The following SNX31 variants were observed in gnomAD, a reference collection of about 807,000 sequenced individuals.
SNX31 encodes sorting nexin 31, also known as sorting nexin-31.
Under a neutral mutation model 65.4 loss-of-function variants are expected in SNX31, and 58 were observed. The ratio of observed to expected loss-of-function variants is 0.89; its 90% CI spans 0.72 to 1.10. The LOEUF is 1.10. SNX31 is among the 50% of genes least tolerant of loss of function. The pLI is 0.00. For missense variants in SNX31, 523 were observed against 529.7 expected (o/e 0.99, Z 0.12); for synonymous variants, 181 against 190.1 (o/e 0.95, Z 0.39).
At chr8:100,581,075 C>T (rs952765826) in intron 12 of SNX31, among the ~76,000 whole-genome samples, 5 of 147,886 alleles carry the variant, frequency 3.4e-5, no homozygotes, top group Admixed American at 6.8e-5. Flanking sequence ...GTGGGAGGAT[C>T]GCTTGAGTTC....
At chr8:100,598,047 C>T (rs1025979290) in intron 9 of SNX31, among the ~76,000 whole-genome samples, 3 of 152,214 alleles carry the variant, frequency 2.0e-5, no homozygotes, top group African/African-American at 7.2e-5. Context: ...AGCAAGGTAA[C>T]TCACACCTCC....
rs201142515 is a variant in SNX31 at position 100,635,965 on chromosome 8, T to A, written c.188A>T (p.Tyr63Phe). 9.4e-5 allele frequency: 152 copies of A among 1,614,072 alleles called. No individual in the cohort carries two copies. The highest frequency in any genetic ancestry group is 1.4e-5 in the Non-Finnish European group (16 of 1,180,038). ...CATAGCTGTGGTCATTGCCAGATAG[T>A]ACTTTGGTGGGAAGGGTGGCAGGCA... ...GNCLPPFPPKYYLAMTTAMAD... is the reference protein window; with the variant it reads ...GNCLPPFPPKFYLAMTTAMAD... Residue 63 changes from tyrosine (Y) to phenylalanine (F), a missense_variant, in exon 3 of 14, where the codon TAC (tyrosine) becomes TTC (phenylalanine). Tyr to Phe is a conservative substitution (Grantham distance 22, BLOSUM62 3). Transcript: ENST00000311812.
rs112122910 is a variant in SNX31, at chr8:100,601,768, C to T, written c.682-1327G>A. ...TAATCCACTGCAGGCTTCAGCAGAA[C>T]GACACTGGGCTCAAAGGCAGAAATC... On this transcript the variant is annotated intron_variant, in intron 8 of 13. Coordinates refer to ENST00000311812, the MANE Select transcript of SNX31 (RefSeq NM_152628.4). Among the ~76,000 whole-genome samples, 715 of 152,336 alleles carry T rather than the reference C, an allele frequency of 4.7e-3. 9 individuals carry two copies. Among genetic ancestry groups the T allele is most frequent in the East Asian group, 0.024 (123 of 5,188 alleles).
intron 2 of SNX31, among the ~76,000 whole-genome samples, chr8:100,639,687 T>C (rs2131241977): frequency 6.6e-6 from 1 of 152,328 alleles, no homozygotes; most frequent in East Asian, 1.9e-4. Flanking sequence ...TACACACATA[T>C]ATTTCCTTGC....
chr8:100,608,801 G>C (rs905882643), intron 7 of SNX31, among the ~76,000 whole-genome samples: 1 of 152,112 alleles, frequency 6.6e-6, no homozygotes, highest in Non-Finnish European at 1.5e-5. Context: ...CAAAAATAAA[G>C]CTTTAGGGGA....
intron 9 of SNX31, among the ~76,000 whole-genome samples, chr8:100,599,821 T>C (rs1345179875): frequency 6.6e-6 from 1 of 152,090 alleles, no homozygotes; most frequent in Non-Finnish European, 1.5e-5. Context: ...ACTTTAAAAA[T>C]GAATGTTTAG....
intron 9 of SNX31, among the ~76,000 whole-genome samples, chr8:100,598,386 A>T (rs986285662): frequency 3.3e-5 from 5 of 152,206 alleles, no homozygotes; most frequent in Non-Finnish European, 5.9e-5. Context: ...AACACTTTCT[A>T]AGTGATATGG....
At chr8:100,645,296 T>G (rs1819545781) in intron 2 of SNX31, among the ~76,000 whole-genome samples, 1 of 152,196 alleles carries the variant, frequency 6.6e-6, no homozygotes, top group African/African-American at 2.4e-5. Context: ...GATGGGACCT[T>G]TCTACTATTT....
chr8:100,590,316 G>C (rs536460605), intron 10 of SNX31, among the ~76,000 whole-genome samples: 1 of 152,216 alleles, frequency 6.6e-6, no homozygotes, highest in Non-Finnish European at 1.5e-5. Flanking sequence ...GTTTCAGCTA[G>C]GTGTGGTAGC....
upstream of SNX31, among the ~76,000 whole-genome samples, chr8:100,651,474 C>A (rs73276662): frequency 7.8e-3 from 1,191 of 152,320 alleles, 20 homozygotes; most frequent in African/African-American, 0.028. Flanking sequence ...CATGTCCAAA[C>A]AGGGCCATTT....
In SNX31 at chr8:100,575,267, C is replaced by A. The variant is rs1812954491; in HGVS notation, c.1228-1307G>T. On this transcript the variant is annotated intron_variant, in intron 13 of 13. Coordinates refer to ENST00000311812, the MANE Select transcript of SNX31 (RefSeq NM_152628.4). The surrounding 1 kb of genome is among the most constrained non-coding windows in gnomAD (Gnocchi z 5.1). ...GTGTGACCTTGAGCAAGTGACTTAA[C>A]CTTTCTGTGTTTCAGTTCTCTGTGC... is the stretch of plus-strand genomic sequence containing the variant. Among the ~76,000 whole-genome samples, 2 of 152,268 alleles carry A rather than the reference C, an allele frequency of 1.3e-5. No homozygotes were observed. The highest frequency in any genetic ancestry group is 3.9e-4 in the East Asian group (2 of 5,182).
intron 10 of SNX31, among the ~76,000 whole-genome samples, chr8:100,589,564 C>G (rs77613917): frequency 2.0e-5 from 3 of 151,978 alleles, no homozygotes; most frequent in Non-Finnish European, 2.9e-5. Flanking sequence ...CCAAGTTTGT[C>G]GTGGTGGTTT....
chr8:100,646,679 C>CAA (rs199804825), intron 2 of SNX31, among the ~76,000 whole-genome samples: 2 of 150,840 alleles, frequency 1.3e-5, no homozygotes, highest in Non-Finnish European at 3.0e-5. Flanking sequence ...TAGAGTGAGG[C>CAA]AAAAAAAAAT....
At chr8:100,586,184 T>G (rs2507779) in intron 11 of SNX31, among the ~76,000 whole-genome samples, 67,689 of 152,008 alleles carry the variant, frequency 0.45, 16,762 homozygotes, top group African/African-American at 0.66. Flanking sequence ...GCCTCCCAAA[T>G]TGCTGGGATT....
chr8:100,652,020 C>T (rs1819983013), upstream of SNX31, among the ~76,000 whole-genome samples: 1 of 152,138 alleles, frequency 6.6e-6, no homozygotes, highest in South Asian at 2.1e-4. Context: ...GCTCAGTCAC[C>T]CAGGCCGGAG....
intron 4 of SNX31, chr8:100,618,186 G>A (rs1817398045): frequency 7.0e-7 from 1 of 1,435,326 alleles, no homozygotes; most frequent in Non-Finnish European, 9.1e-7. Flanking sequence ...GAGATTGGAA[G>A]GGTTGTTTTG....
intron 2 of SNX31, among the ~76,000 whole-genome samples, chr8:100,638,247 A>G (rs1818916897): frequency 1.3e-5 from 2 of 152,256 alleles, no homozygotes; most frequent in Non-Finnish European, 2.9e-5. Flanking sequence ...CAAAATTCTT[A>G]CAATGACCTA....
intron 2 of SNX31, among the ~76,000 whole-genome samples, chr8:100,643,011 C>A (rs893076297): frequency 1.3e-5 from 2 of 151,928 alleles, no homozygotes; most frequent in African/African-American, 4.8e-5. Flanking sequence ...GCCAACATGG[C>A]AAAACCCCCT....
chr8:100,606,202 CTT>C (rs983482677), intron 8 of SNX31, among the ~76,000 whole-genome samples: 6 of 152,106 alleles, frequency 3.9e-5, no homozygotes, highest in African/African-American at 1.4e-4. Flanking sequence ...GCCTGGCTGA[CTT>C]TTACATTTTT....
Sources: allele counts gnomAD v4.1 joint callset (sites outside exome capture counted in the v4.1 genomes callset), GRCh38; gene constraint gnomAD v4.1.1; non-coding constraint Gnocchi (gnomAD v3.1); transcripts MANE v1.5; gene names NCBI Gene and HGNC (gene_info 2026-07-23, HGNC 2026-07-21).